HMGN3: variants seen among roughly 807,000 people sequenced by gnomAD.
HMGN3 encodes high mobility group nucleosomal binding domain 3, also known as high mobility group nucleosome-binding domain-containing protein 3.
A neutral mutation model predicts 18.8 loss-of-function variants in HMGN3; 6 were observed. That is an observed-to-expected ratio of 0.32 (90% CI 0.18 to 0.63). The LOEUF is 0.63. Among genes scored for constraint, HMGN3 ranks in the 30% least tolerant of loss-of-function variants. The pLI, the probability that HMGN3 is intolerant of heterozygous loss-of-function variation, is 0.79. For missense variants in HMGN3, 107 were observed against 114.2 expected, an observed-to-expected ratio of 0.94 and a Z score of 0.29; for synonymous variants, 40 against 36.5, an observed-to-expected ratio of 1.10 and a Z score of -0.35.
intron 2 of HMGN3, among the ~76,000 whole-genome samples, chr6:79,209,671 C>A (rs1776587687): frequency 6.6e-6 from 1 of 152,166 alleles, no homozygotes; most frequent in Non-Finnish European, 1.5e-5. Context: ...AGTAGGAATC[C>A]ATGCCATAAT....
chr6:79,201,809 C>T, intron 5 of HMGN3, 83 bp from the exon 7 acceptor site: 2 of 1,536,866 alleles, frequency 1.3e-6, no homozygotes, highest in Non-Finnish European at 1.7e-6. Flanking sequence ...CCAACACACA[C>T]AGTTTTGAAC....
intron 2 of HMGN3, among the ~76,000 whole-genome samples, chr6:79,212,251 T>C (rs1776729011): frequency 6.6e-6 from 1 of 152,196 alleles, no homozygotes; most frequent in South Asian, 2.1e-4. Context: ...TTCTGCTATT[T>C]ACAAGTTCTA....
intron 1 of HMGN3, among the ~76,000 whole-genome samples, chr6:79,223,295 A>C (rs1452347899): frequency 6.6e-6 from 1 of 152,150 alleles, no homozygotes; most frequent in Non-Finnish European, 1.5e-5. Flanking sequence ...GCGGATCATG[A>C]GGTCGGGAGA....
chr6:79,222,417 T>C (rs923985239), intron 1 of HMGN3, among the ~76,000 whole-genome samples: 1 of 151,986 alleles, frequency 6.6e-6, no homozygotes, highest in Non-Finnish European at 1.5e-5. Context: ...GCTCTTCAGC[T>C]AAAATGAACA....
At chr6:79,202,099 G>A in intron 5 of HMGN3, 1 of 1,539,920 alleles carries the variant, frequency 6.5e-7, no homozygotes, top group South Asian at 1.2e-5. Flanking sequence ...CTGACAGTGT[G>A]CTGGGTGGGG....
intron 1 of HMGN3, among the ~76,000 whole-genome samples, chr6:79,225,147 C>T (rs1220143350): frequency 6.6e-6 from 1 of 152,052 alleles, no homozygotes; most frequent in African/African-American, 2.4e-5. Context: ...CTTTTCATAC[C>T]ATGAATTTCT....
intron 2 of HMGN3, among the ~76,000 whole-genome samples, chr6:79,209,465 C>T (rs746504906): frequency 6.6e-6 from 1 of 152,152 alleles, no homozygotes. Context: ...ATACTCCATA[C>T]TTTTTGTCTG....
chr6:79,211,011 C>CCA (rs375654858), intron 2 of HMGN3, among the ~76,000 whole-genome samples: 4 of 89,718 alleles, frequency 4.5e-5, no homozygotes, highest in Non-Finnish European at 8.5e-5. Context: ...GAAATTAATG[C>CCA]AAAAAAAAAA....
exon 1 of HMGN3, chr6:79,234,603 A>C: frequency 6.2e-7 from 1 of 1,605,830 alleles, no homozygotes; most frequent in Non-Finnish European, 8.5e-7. Context: ...AACGGACTGG[A>C]ACTGCTGGCG....
chr6:79,207,788 T>C (rs1015807813), intron 3 of HMGN3, among the ~76,000 whole-genome samples: 4 of 152,154 alleles, frequency 2.6e-5, no homozygotes, highest in African/African-American at 9.7e-5. Flanking sequence ...GAAGCTTCTG[T>C]AATAGCTAGT....
chr6:79,205,508 T>C (rs1238846529), intron 3 of HMGN3, among the ~76,000 whole-genome samples: 1 of 152,234 alleles, frequency 6.6e-6, no homozygotes, highest in Non-Finnish European at 1.5e-5. Context: ...CATAATTTGC[T>C]CCTTTTGTCT....
At chr6:79,227,148 AC>A (rs1256411267) in intron 1 of HMGN3, among the ~76,000 whole-genome samples, 3 of 152,156 alleles carry the variant, frequency 2.0e-5, no homozygotes, top group Admixed American at 2.0e-4. Flanking sequence ...AATATATTTA[AC>A]TCTGGTGTAA....
At chr6:79,212,395 A>G (rs891905260) in intron 2 of HMGN3, among the ~76,000 whole-genome samples, 2 of 152,200 alleles carry the variant, frequency 1.3e-5, no homozygotes, top group African/African-American at 4.8e-5. Flanking sequence ...TTTTCTTCAT[A>G]GCTAATATTC....
At chr6:79,230,202 T>C (rs1408672908) in intron 1 of HMGN3, among the ~76,000 whole-genome samples, 9 of 152,152 alleles carry the variant, frequency 5.9e-5, no homozygotes, top group Non-Finnish European at 1.2e-4. Flanking sequence ...ACATATTGTA[T>C]CATTTCTTTT....
intron 2 of HMGN3, among the ~76,000 whole-genome samples, chr6:79,209,144 T>G (rs1371242332): frequency 6.6e-6 from 1 of 152,234 alleles, no homozygotes; most frequent in African/African-American, 2.4e-5. Context: ...TATCTAGTAG[T>G]ATATGTTCAA....
intron 1 of HMGN3, among the ~76,000 whole-genome samples, chr6:79,232,547 G>C (rs1455470869): frequency 1.3e-5 from 2 of 151,420 alleles, no homozygotes; most frequent in East Asian, 3.9e-4. Flanking sequence ...ATGCATGGGG[G>C]TTCCCTGCCT....
At chr6:79,205,463 G>GCT (rs922679328) in intron 3 of HMGN3, among the ~76,000 whole-genome samples, 1 of 152,190 alleles carries the variant, frequency 6.6e-6, no homozygotes, top group East Asian at 1.9e-4. Flanking sequence ...CCGCACAAGC[G>GCT]CTCTCTCTCT....
At chr6:79,207,401 G>T (rs1231767658) in intron 3 of HMGN3, among the ~76,000 whole-genome samples, 1 of 152,140 alleles carries the variant, frequency 6.6e-6, no homozygotes. Context: ...AGATCTGATG[G>T]TTTTAAAAAT....
intron 2 of HMGN3, among the ~76,000 whole-genome samples, chr6:79,213,591 T>G (rs374322785): frequency 1.3e-5 from 2 of 152,258 alleles, no homozygotes; most frequent in Non-Finnish European, 2.9e-5. Flanking sequence ...GGTTCTTGCA[T>G]GTGTGTGATG....
Sources: gnomAD v4.1 joint callset for allele counts (sites outside exome capture counted in the v4.1 genomes callset) on GRCh38, gnomAD v4.1.1 for gene constraint, MANE v1.5 for transcripts, NCBI Gene and HGNC (gene_info 2026-07-23, HGNC 2026-07-21) for gene names.